FDFT1: variants seen among roughly 807,000 people sequenced by gnomAD.
FDFT1 encodes squalene synthase.
FDFT1 carries 68 observed loss-of-function variants against 46.8 expected under a neutral mutation model. The ratio of observed to expected loss-of-function variants is 1.45; its 90% confidence interval spans 1.19 to 1.78. FDFT1 has a LOEUF of 1.78. Among genes scored for constraint, FDFT1 ranks in the 40% most tolerant of loss-of-function variants. FDFT1 has a pLI of 0.00. For synonymous variants in FDFT1, 351 were observed against 185.1 expected, an observed-to-expected ratio of 1.90 and a Z score of -7.28; for missense variants, 928 against 524.4, an observed-to-expected ratio of 1.77 and a Z score of -7.52.
rs116895847 is a variant in FDFT1, at chr8:11,806,605, C to G, written c.100-2189C>G. ...GACCGTGTCTTGGCATTGATTGAAA[C>G]TCCTGGCTTAACATCACCCCGAAAC... On this transcript the variant is annotated intron_variant, in intron 1 of 7. Transcript: ENST00000220584. Among the ~76,000 whole-genome samples, 289 of 152,188 alleles carry G rather than the reference C, an allele frequency of 1.9e-3. 1 individual carries two copies. Among genetic ancestry groups the G allele is most frequent in the Middle Eastern group, 6.8e-3 (2 of 294 alleles).
At chr8:11,806,690 C>A (rs190702732) in intron 1 of FDFT1, among the ~76,000 whole-genome samples, 1 of 152,126 alleles carries the variant, frequency 6.6e-6, no homozygotes, top group Non-Finnish European at 1.5e-5. Context: ...CTGCTGTAGC[C>A]TGGTAATGGT....
intron 3 of FDFT1, among the ~76,000 whole-genome samples, chr8:11,812,057 T>C (rs980029486): frequency 6.6e-6 from 1 of 152,190 alleles, no homozygotes; most frequent in African/African-American, 2.4e-5. Context: ...AGAGGACTGA[T>C]ACCTTGGCCT....
intron 5 of FDFT1, among the ~76,000 whole-genome samples, chr8:11,826,990 C>G (rs961552111): frequency 2.0e-5 from 3 of 152,210 alleles, no homozygotes; most frequent in Non-Finnish European, 2.9e-5. Context: ...TAGACAAAAA[C>G]TCCAGGTGTC....
chr8:11,826,220 C>G lies in FDFT1; in HGVS notation c.702+5C>G, dbSNP rs758659229. ...AGAGAGTTCTGGCCTCAAGAGGTAA[C>G]AGATTCAGGGTATTTTGGGGGAAAA... On this transcript the variant is annotated splice_donor_5th_base_variant and intron_variant, in intron 5 of 7. Transcript: ENST00000220584. 2.0e-6 allele frequency: 3 copies of G among 1,520,770 alleles called. No homozygotes were observed. The highest frequency in any genetic ancestry group is 1.4e-5 in the African/African-American group (1 of 72,836). 94.2% of individuals were successfully genotyped at this position (1,520,770 alleles called of 1,614,324 possible). A position where few individuals can be genotyped will look rare whatever the true frequency, so the allele number is the denominator to read the frequency against.
Position 11,830,353 on chromosome 8 carries a change from C to T in FDFT1, c.812C>T (p.Pro271Leu). 2 of 1,613,812 alleles carry T rather than the reference C, an allele frequency of 1.2e-6. No individual in the cohort carries two copies. The highest frequency in any genetic ancestry group is 1.7e-6 in the Non-Finnish European group (2 of 1,179,750). The change falls in exon 6 of 8, where the codon CCA (proline) becomes CTA (leucine). Residue 271 changes from proline to leucine, a missense_variant. Coordinates refer to ENST00000220584, the MANE Select transcript of FDFT1 (RefSeq NM_004462.5). ...ATAACCAATGCACTGCACCACATCC[C>T]AGATGTCATCACCTACCTTTCGAGA... ...ELITNALHHIPDVITYLSRLR... is the reference protein window; with the variant it reads ...ELITNALHHILDVITYLSRLR...
upstream of FDFT1, chr8:11,801,762 T>G (rs1806141192): frequency 2.8e-6 from 1 of 359,212 alleles, no homozygotes; most frequent in South Asian, 2.1e-5. Flanking sequence ...GGTGTCATCT[T>G]GGCTCACTGC....
chr8:11,838,662 C>CT lies in FDFT1; in HGVS notation c.*56dup. ...ACCATAAAGTGGATTTACTTTTTTT[C>CT]TTTAAGGATGGATGTTGTGTTCTCT... On this transcript the variant is annotated 3_prime_UTR_variant, in exon 8 of 8. Coordinates refer to ENST00000220584, the MANE Select transcript of FDFT1 (RefSeq NM_004462.5). 1 of 1,339,602 alleles carries CT rather than the reference C, an allele frequency of 7.5e-7. No individual in the cohort carries two copies. Among genetic ancestry groups the CT allele is most frequent in the Non-Finnish European group, 1.1e-6 (1 of 930,734 alleles). 83.0% of individuals were successfully genotyped at this position (1,339,602 alleles called of 1,614,324 possible). A position where few individuals can be genotyped will look rare whatever the true frequency, so the allele number is the denominator to read the frequency against.
At chr8:11,834,723 C>T (rs904671396) in intron 7 of FDFT1, among the ~76,000 whole-genome samples, 10 of 152,198 alleles carry the variant, frequency 6.6e-5, no homozygotes, top group African/African-American at 1.9e-4. Context: ...AGTAGAACTG[C>T]TGAGACGTGG....
upstream of FDFT1, among the ~76,000 whole-genome samples, chr8:11,799,894 C>T (rs531042305): frequency 6.8e-6 from 1 of 146,070 alleles, no homozygotes; most frequent in Non-Finnish European, 1.5e-5. Context: ...TGCAGTGAAC[C>T]AAGATCGCGC....
At chr8:11,796,076 A>G (rs1805534054) in intron 1 of FDFT1, 1 of 152,182 alleles carries the variant, frequency 6.6e-6, no homozygotes, top group South Asian at 2.1e-4. Context: ...AAAACGGGGG[A>G]TTTAACATAG....
In FDFT1 at chr8:11,838,455, G is replaced by T. The variant is rs373360995; in HGVS notation, c.1100G>T (p.Arg367Leu). The change falls in exon 8 of 8, where the codon CGG (arginine) becomes CTG (leucine). Residue 367 changes from arginine to leucine, a missense_variant. Arg to Leu is a moderately radical substitution (Grantham distance 102). Coordinates refer to ENST00000220584, the MANE Select transcript of FDFT1 (RefSeq NM_004462.5). ...SKTRQIISTI[R>L]TQNLPNCQLI... The stretch of plus-strand genomic sequence containing the variant: ...ACAAGGCAGATCATCTCCACCATCC[G>T]GACGCAGAATCTTCCCAACTGTCAG... 1 of 1,607,820 alleles carries T rather than the reference G, an allele frequency of 6.2e-7. No homozygotes were observed. The highest frequency in any genetic ancestry group is 1.7e-5 in the Admixed American group (1 of 59,190).
At chr8:11,830,812 G>T (rs543646260) in intron 6 of FDFT1, among the ~76,000 whole-genome samples, 2 of 152,068 alleles carry the variant, frequency 1.3e-5, no homozygotes, top group South Asian at 4.2e-4. Flanking sequence ...TCCTAGACCC[G>T]GCATAAAAAG....
chr8:11,818,561 T>C (rs181685273), intron 3 of FDFT1, among the ~76,000 whole-genome samples: 159 of 152,376 alleles, frequency 1.0e-3, no homozygotes, highest in African/African-American at 3.2e-3. Flanking sequence ...TGGGTACATA[T>C]ATGTTTAAGA....
chr8:11,831,747 G>A, intron 7 of FDFT1, 77 bp downstream of exon 7: 1 of 1,195,870 alleles, frequency 8.4e-7, no homozygotes, highest in South Asian at 1.3e-5. Flanking sequence ...AACCAGGTTT[G>A]GATATTAGAT....
Position 11,796,381 on chromosome 8 carries a change from A to G in FDFT1, c.-94+370A>G, listed in dbSNP as rs145607757. ...GCCACTGTGAGGTGGCGAAACAGAC[A>G]AGAGATTATTAGAATACAGAAAGTT... On this transcript the variant is annotated intron_variant, in intron 1 of 7. Coordinates refer to the FDFT1 transcript ENST00000538689. 3.7e-4 allele frequency among the ~76,000 whole-genome samples: 57 copies of G among 152,320 alleles called. 1 individual carries two copies. In the Middle Eastern group the frequency reaches 0.027, roughly 73 times the overall value.
intron 5 of FDFT1, among the ~76,000 whole-genome samples, chr8:11,829,831 A>T (rs181007090): frequency 0.012 from 1,746 of 144,260 alleles, 20 homozygotes; most frequent in Non-Finnish European, 0.019. Flanking sequence ...TGTATATCAT[A>T]GTGTTTTTTT....
intron 4 of FDFT1, among the ~76,000 whole-genome samples, chr8:11,824,544 C>G (rs1809698778): frequency 1.3e-5 from 2 of 152,156 alleles, no homozygotes; most frequent in Non-Finnish European, 2.9e-5. Context: ...CCTCCTACTT[C>G]AGCCCCCTGA....
In FDFT1 at chr8:11,808,815, A is replaced by C. The variant is rs978579866; in HGVS notation, c.121A>C (p.Lys41Gln). The C allele has an allele frequency of 1.2e-6, 2 of 1,613,808 alleles. No homozygotes were observed. The highest frequency in any genetic ancestry group is 1.7e-5 in the Admixed American group (1 of 60,002). ...MDQDSLSSSL[K>Q]TCYKYLNQTS... ...GCAGGACTCGCTCAGCAGCAGCCTG[A>C]AAACTTGCTACAAGTATCTCAATCA... The change falls in exon 2 of 8, where the codon AAA becomes CAA. Residue 41 changes from lysine (K) to glutamine (Q), a missense_variant. Coordinates refer to ENST00000220584, the MANE Select transcript of FDFT1 (RefSeq NM_004462.5).
At chr8:11,802,361 T>A (rs1366573761), upstream of FDFT1, 6 of 445,776 alleles carry the variant, frequency 1.3e-5, no homozygotes, top group Admixed American at 1.5e-4. Flanking sequence ...AGCCCCGCAC[T>A]GCTCTCCCGA....
Sources: allele counts gnomAD v4.1 joint callset (sites outside exome capture counted in the v4.1 genomes callset), GRCh38; gene constraint gnomAD v4.1.1; transcripts MANE v1.5; gene names NCBI Gene and HGNC (gene_info 2026-07-23, HGNC 2026-07-21).